The following CSGALNACT1 variants were observed in gnomAD, a reference collection of about 807,000 sequenced individuals.
The protein encoded by CSGALNACT1 is beta4GalNAcT-1.
A neutral mutation model predicts 51.0 loss-of-function variants in CSGALNACT1; 52 were observed. The observed-to-expected ratio is 1.02, with a 90% CI of 0.82 to 1.29. The LOEUF is 1.29. CSGALNACT1 is among the 50% of genes most tolerant of loss of function. The pLI, the probability that CSGALNACT1 is intolerant of heterozygous loss-of-function variation, is 0.00. For synonymous variants in CSGALNACT1, 341 were observed against 254.4 expected, an observed-to-expected ratio of 1.34 and a Z score of -3.24; for missense variants, 935 against 679.2, an observed-to-expected ratio of 1.38 and a Z score of -4.19.
At chr8:19,670,261 C>G (rs909737793) in intron 1 of CSGALNACT1, among the ~76,000 whole-genome samples, 2 of 152,138 alleles carry the variant, frequency 1.3e-5, no homozygotes, top group African/African-American at 2.4e-5. Context: ...ATTGCAGTAC[C>G]TTATAACTAG....
At position 19,591,711 on chromosome 8, in the gene CSGALNACT1, C is replaced by T. The variant is rs948803758; in HGVS notation, c.-415-433G>A. 3.9e-5 allele frequency among the ~76,000 whole-genome samples: 6 copies of T among 151,934 alleles called. 1 individual carries two copies. The highest frequency in any genetic ancestry group is 3.9e-4 in the Admixed American group (6 of 15,244). The stretch of plus-strand genomic sequence containing the variant: ...GGCTGAGGCAGGAGGATCGCTTAAG[C>T]CCAGGAGTTTCAGACAAGCTTGGGC... On this transcript the variant is annotated intron_variant, in intron 2 of 9. Transcript: ENST00000454498.
chr8:19,410,254 G>A lies in CSGALNACT1; in HGVS notation c.1228-1560C>T, dbSNP rs540052900. On this transcript the variant is annotated intron_variant, in intron 8 of 9. Coordinates refer to ENST00000454498, the Ensembl canonical transcript of CSGALNACT1. ...AAGTTCTACTTCAGAGTACGGGACC[G>A]TTATACAGTATCTCCCAAATGACAA... Among the ~76,000 whole-genome samples the A allele has an allele frequency of 9.8e-5, 15 of 152,286 alleles. No homozygotes were observed. The East Asian group carries it at 1.5e-3, about 16-fold the overall frequency.
chr8:19,541,814 G>A (rs1048266180), intron 3 of CSGALNACT1, among the ~76,000 whole-genome samples: 21 of 152,018 alleles, frequency 1.4e-4, no homozygotes, highest in Middle Eastern at 3.4e-3. Context: ...ATTCTTCAAT[G>A]TTTCTATTTT....
chr8:19,426,688 G>T (rs1291200226), intron 6 of CSGALNACT1, among the ~76,000 whole-genome samples: 1 of 152,090 alleles, frequency 6.6e-6, no homozygotes, highest in Admixed American at 6.5e-5. Context: ...TAAATCTGGT[G>T]CACGGAGACT....
At chr8:19,614,486 C>T (rs180730616) in intron 1 of CSGALNACT1, among the ~76,000 whole-genome samples, 25 of 152,276 alleles carry the variant, frequency 1.6e-4, no homozygotes, top group Admixed American at 5.2e-4. Context: ...GTTATCAATA[C>T]ACAGATGAGT....
chr8:19,520,286 A>C (rs1334537622), intron 3 of CSGALNACT1, among the ~76,000 whole-genome samples: 1 of 152,242 alleles, frequency 6.6e-6, no homozygotes, highest in Non-Finnish European at 1.5e-5. Context: ...TGAACAGAAA[A>C]ATGGAATAAA....
chr8:19,580,342 A>T (rs992400250), intron 3 of CSGALNACT1, among the ~76,000 whole-genome samples: 9 of 152,234 alleles, frequency 5.9e-5, no homozygotes, highest in Non-Finnish European at 2.9e-5. Flanking sequence ...TAAAACGCTA[A>T]GCTGACTTTA....
intron 1 of CSGALNACT1, among the ~76,000 whole-genome samples, chr8:19,694,711 G>C (rs2061499993): frequency 6.6e-6 from 1 of 152,130 alleles, no homozygotes; most frequent in African/African-American, 2.4e-5. Context: ...CCTTAATAAG[G>C]GCTTCTGAGC....
At chr8:19,650,930 T>C (rs1427503512) in intron 1 of CSGALNACT1, among the ~76,000 whole-genome samples, 1 of 152,148 alleles carries the variant, frequency 6.6e-6, no homozygotes, top group Non-Finnish European at 1.5e-5. Context: ...TTCAAAGTGC[T>C]GGAAAGAGGC....
At chr8:19,569,337 G>A (rs940522317) in intron 3 of CSGALNACT1, among the ~76,000 whole-genome samples, 3 of 152,158 alleles carry the variant, frequency 2.0e-5, no homozygotes, top group African/African-American at 7.2e-5. Context: ...GACTCACACT[G>A]CTGATGGACT....
chr8:19,673,877 G>C (rs948886743), intron 1 of CSGALNACT1, among the ~76,000 whole-genome samples: 1 of 152,224 alleles, frequency 6.6e-6, no homozygotes, highest in African/African-American at 2.4e-5. Flanking sequence ...TATTTAGTGA[G>C]TGCCTATCCT....
intron 3 of CSGALNACT1, among the ~76,000 whole-genome samples, chr8:19,508,215 G>A (rs968209195): frequency 6.6e-6 from 1 of 152,178 alleles, no homozygotes; most frequent in Non-Finnish European, 1.5e-5. Context: ...AAGACAGAAT[G>A]TTAACAACCT....
At chr8:19,540,403 C>T (rs1033056549) in intron 3 of CSGALNACT1, among the ~76,000 whole-genome samples, 7 of 152,166 alleles carry the variant, frequency 4.6e-5, no homozygotes, top group African/African-American at 1.2e-4. Flanking sequence ...TCCCTGGATT[C>T]GTACCCCATC....
At chr8:19,431,332 G>C (rs1193768346) in intron 6 of CSGALNACT1, among the ~76,000 whole-genome samples, 1 of 152,176 alleles carries the variant, frequency 6.6e-6, no homozygotes, top group South Asian at 2.1e-4. Context: ...TTAGGTTAAA[G>C]AAGTTCTCTT....
chr8:19,682,340 G>A (rs1431972729), intron 1 of CSGALNACT1: 1 of 296,760 alleles, frequency 3.4e-6, no homozygotes, highest in Non-Finnish European at 6.7e-6. Context: ...GTTTGCTAAT[G>A]AGTTGGCAAG....
At position 19,533,905 on chromosome 8, in the gene CSGALNACT1, G is replaced by A. The variant is rs190703240; in HGVS notation, c.-296-27775C>T. ...AATAAGATGTTTAAAACCATGAGGG[G>A]AAGAAAAAGAGAATCTTTACTATTA... On this transcript the variant is annotated intron_variant, in intron 3 of 9. Transcript: ENST00000454498. Among the ~76,000 whole-genome samples, 739 of 152,144 alleles carry A rather than the reference G, an allele frequency of 4.9e-3. 2 individuals carry two copies. Among genetic ancestry groups the A allele is most frequent in the Non-Finnish European group, 7.7e-3 (522 of 68,008 alleles).
intron 3 of CSGALNACT1, among the ~76,000 whole-genome samples, chr8:19,535,147 T>C (rs555878029): frequency 6.6e-6 from 1 of 152,198 alleles, no homozygotes; most frequent in Admixed American, 6.5e-5. Flanking sequence ...TAAACCTATT[T>C]CCAAATTATC....
At chr8:19,509,777 A>G (rs929004081) in intron 3 of CSGALNACT1, among the ~76,000 whole-genome samples, 4 of 152,236 alleles carry the variant, frequency 2.6e-5, no homozygotes, top group Non-Finnish European at 4.4e-5. Flanking sequence ...AGAATTAAAG[A>G]GTTAAAATTT....
rs1019957163 is a variant in CSGALNACT1, at chr8:19,505,636, G to C, written c.199C>G (p.Gln67Glu). ...AGGCTGCTCACGTAGTTGCGGTGCT[G>C]CTCCTCCCACTCCTGAAGGACGGCC... Residue 67 changes from glutamine to glutamate, a missense_variant, in exon 4 of 10, where the codon CAG becomes GAG. Transcript: ENST00000454498. 31 of 1,613,986 alleles carry C rather than the reference G, an allele frequency of 1.9e-5. No homozygotes were observed. The Admixed American group carries it at 4.8e-4, about 25-fold the overall frequency.
Sources: allele counts gnomAD v4.1 joint callset (sites outside exome capture counted in the v4.1 genomes callset), GRCh38; gene constraint gnomAD v4.1.1; transcripts MANE v1.5; gene names NCBI Gene and HGNC (gene_info 2026-07-23, HGNC 2026-07-21).